CXorf38: variants seen among roughly 807,000 people sequenced by gnomAD.
CXorf38 encodes the protein uncharacterized protein CXorf38.
Under a neutral mutation model 27.5 loss-of-function variants are expected in CXorf38, and 13 were observed. The observed-to-expected ratio is 0.47, with a 90% CI of 0.31 to 0.75. The LOEUF (loss-of-function observed/expected upper bound fraction) is 0.75, where lower values mean the gene tolerates loss of function less well. Among genes scored for constraint, CXorf38 ranks in the 30% least tolerant of loss-of-function variants. CXorf38 has a pLI of 0.05. For synonymous variants in CXorf38, 100 were observed against 99.8 expected, an observed-to-expected ratio of 1.00 and a Z score of -0.01; for missense variants, 240 against 253.2, an observed-to-expected ratio of 0.95 and a Z score of 0.35.
chrX:40,642,957 G>A (rs1269488424), intron 2 of CXorf38, among the ~76,000 whole-genome samples: 3 of 110,061 alleles, frequency 2.7e-5, no homozygotes, highest in Non-Finnish European at 5.7e-5. Context: ...TGTATTTTTG[G>A]TAGAGACGGG....
intron 2 of CXorf38, among the ~76,000 whole-genome samples, chrX:40,642,719 G>GA (rs1470616379): frequency 9.0e-6 from 1 of 111,620 alleles, no homozygotes; most frequent in Admixed American, 9.5e-5. Context: ...TTGTGTATGG[G>GA]AGGCAGATAG....
chrX:40,640,674 G>A (rs970987974), intron 2 of CXorf38, among the ~76,000 whole-genome samples: 2 of 111,092 alleles, frequency 1.8e-5, no homozygotes, highest in African/African-American at 6.6e-5. Flanking sequence ...TGGGCCGGGC[G>A]CACACCTATA....
chrX:40,637,099 A>G lies in CXorf38; in HGVS notation c.529T>C (p.Trp177Arg). 8.3e-7 allele frequency: 1 copy of G among 1,203,684 alleles called. No homozygotes were observed. Residue 177 changes from tryptophan to arginine, a missense_variant, in exon 4 of 7, where the codon TGG (tryptophan) becomes CGG (arginine). Coordinates refer to ENST00000327877, the MANE Select transcript of CXorf38 (RefSeq NM_144970.3). ...HSSEMKVSST[W>R]LRDFQMKIQN... ...ATCTTCATCTGAAAATCTCGAAGCC[A>G]CGTAGAAGATACTTTCATCTCTGAA... is the stretch of plus-strand genomic sequence containing the variant.
At chrX:40,640,433 C>A (rs1928269743) in intron 2 of CXorf38, 1 of 185,645 alleles carries the variant, frequency 5.4e-6, no homozygotes, top group Non-Finnish European at 1.0e-5. Flanking sequence ...ATGCCTCCTA[C>A]AGGGCTGCTC....
chrX:40,635,286 C>G (rs1373113272), intron 5 of CXorf38, among the ~76,000 whole-genome samples: 1 of 113,197 alleles, frequency 8.8e-6, no homozygotes, highest in African/African-American at 3.2e-5. Flanking sequence ...ATGGTGGGCA[C>G]ACCCAAAAAA....
At chrX:40,630,584 T>C in intron 6 of CXorf38, 30 bp downstream of exon 6, 1 of 1,187,867 alleles carries the variant, frequency 8.4e-7, no homozygotes, top group Non-Finnish European at 1.1e-6. Context: ...ATTCTGTCCT[T>C]CTTTAACACC....
At position 40,645,125 on chromosome X, in the gene CXorf38, T is replaced by C. The variant is rs1031463577; in HGVS notation, c.351+1882A>G. ...AGGGTGCTGGGTATTCAGGAAGCAG[T>C]GGAAGCCTCAAAGAGGCGGAAGTAG... On this transcript the variant is annotated intron_variant, in intron 2 of 6. Coordinates refer to ENST00000327877, the MANE Select transcript of CXorf38 (RefSeq NM_144970.3). Among the ~76,000 whole-genome samples, 10 of 110,919 alleles carry C rather than the reference T, an allele frequency of 9.0e-5. No homozygotes were observed. In the Admixed American group the frequency reaches 9.5e-4, roughly 11 times the overall value.
At chrX:40,631,077 T>G (rs1927755812) in intron 5 of CXorf38, among the ~76,000 whole-genome samples, 1 of 110,968 alleles carries the variant, frequency 9.0e-6, no homozygotes, top group Admixed American at 9.5e-5. Context: ...TGCCTTTACA[T>G]GAAAGGGCTT....
chrX:40,631,515 A>G (rs1386838670), intron 5 of CXorf38, among the ~76,000 whole-genome samples: 2 of 111,072 alleles, frequency 1.8e-5, no homozygotes, highest in Non-Finnish European at 3.8e-5. Flanking sequence ...CATGTTGGCC[A>G]GGCTGGTCTC....
At chrX:40,644,385 G>A (rs956268967) in intron 2 of CXorf38, among the ~76,000 whole-genome samples, 3 of 111,609 alleles carry the variant, frequency 2.7e-5, no homozygotes, top group Non-Finnish European at 5.6e-5. Context: ...GAAGGAAATA[G>A]ATGGTGCACA....
At position 40,646,870 on chromosome X, in the gene CXorf38, C is replaced by A. The variant is rs1323664003; in HGVS notation, c.351+137G>T. The A allele has an allele frequency of 5.2e-6, 4 of 769,691 alleles. No homozygotes were observed. In the African/African-American group the frequency reaches 8.7e-5, roughly 17 times the overall value. 63.4% of individuals were successfully genotyped at this position (769,691 alleles called of 1,213,427 possible). On this transcript the variant is annotated intron_variant, in intron 2 of 6. Coordinates refer to ENST00000327877, the MANE Select transcript of CXorf38 (RefSeq NM_144970.3). ...CTGGGTTGGGTCCCGCATACCACCC[C>A]TGAACCGCCTAGACCCTTGATCAAT...
intron 2 of CXorf38, among the ~76,000 whole-genome samples, chrX:40,644,096 A>G (rs897014858): frequency 1.8e-5 from 2 of 112,134 alleles, no homozygotes; most frequent in African/African-American, 6.5e-5. Flanking sequence ...ATCTGCGTAC[A>G]TTTTTTTGTA....
At chrX:40,639,720 C>T (rs1928233578) in intron 2 of CXorf38, 2 of 116,220 alleles carry the variant, frequency 1.7e-5, no homozygotes, top group Admixed American at 1.8e-4. Context: ...AGCACTAGCA[C>T]AGTGCTAGGC....
At chrX:40,632,981 G>A (rs769215602) in intron 5 of CXorf38, among the ~76,000 whole-genome samples, 2 of 111,624 alleles carry the variant, frequency 1.8e-5, no homozygotes, top group Non-Finnish European at 1.9e-5. Flanking sequence ...GGTAAAAGAC[G>A]CTCGGCAACT....
intron 2 of CXorf38, among the ~76,000 whole-genome samples, chrX:40,644,240 T>C (rs1435977470): frequency 9.0e-6 from 1 of 110,613 alleles, no homozygotes; most frequent in Non-Finnish European, 1.9e-5. Context: ...TCTATGGAGA[T>C]GGGAATGAGC....
chrX:40,632,252 G>A (rs1045606606), intron 5 of CXorf38, among the ~76,000 whole-genome samples: 1 of 111,694 alleles, frequency 9.0e-6, no homozygotes, highest in African/African-American at 3.3e-5. Flanking sequence ...TCAGTGGGGT[G>A]CCCCTCCACT....
At chrX:40,643,531 G>A (rs1186042050) in intron 2 of CXorf38, among the ~76,000 whole-genome samples, 2 of 108,480 alleles carry the variant, frequency 1.8e-5, no homozygotes, top group Non-Finnish European at 3.8e-5. Flanking sequence ...TTTTTGAGAT[G>A]GAGTTTCCCT....
rs1038801476 is a variant in CXorf38, at chrX:40,629,162, G to A, written c.*1002C>T. 6 of 110,164 alleles carry A rather than the reference G, an allele frequency of 5.4e-5. No homozygotes were observed. Among genetic ancestry groups the A allele is most frequent in the African/African-American group, 2.0e-4 (6 of 30,118 alleles). 9.1% of individuals were successfully genotyped at this position (110,164 alleles called of 1,213,427 possible). ...CCTGAGTAGCTGAGAATAAAGGTGT[G>A]TGCCACCATGCCCAGGTAATTTTTA... On this transcript the variant is annotated 3_prime_UTR_variant, in exon 7 of 7. Transcript: ENST00000327877.
chrX:40,638,150 T>A (rs1471033040), intron 3 of CXorf38, among the ~76,000 whole-genome samples: 3 of 112,077 alleles, frequency 2.7e-5, no homozygotes, highest in Non-Finnish European at 5.6e-5. Context: ...GAAACCATGA[T>A]GAAAAGAAAA....
Sources: allele counts gnomAD v4.1 joint callset (sites outside exome capture counted in the v4.1 genomes callset), GRCh38; gene constraint gnomAD v4.1.1; transcripts MANE v1.5; gene names NCBI Gene and HGNC (gene_info 2026-07-23, HGNC 2026-07-21).